JADE3: variants seen among roughly 807,000 people sequenced by gnomAD.
JADE3 encodes the protein protein Jade-3.
In JADE3, 2 loss-of-function variants were observed where a neutral mutation model predicts 50.1. The ratio of observed to expected loss-of-function variants is 0.04; its 90% CI spans 0.02 to 0.13. The LOEUF is 0.13. Among genes scored for constraint, JADE3 ranks in the 10% least tolerant of loss-of-function variants. The probability of loss-of-function intolerance (pLI) is 1.00; values close to 1 mark genes in which losing one functional copy is unlikely to be tolerated. For missense variants in JADE3, 475 were observed against 634.4 expected, an observed-to-expected ratio of 0.75 and a Z score of 2.70; for synonymous variants, 218 against 232.9, an observed-to-expected ratio of 0.94 and a Z score of 0.58.
intron 1 of JADE3, among the ~76,000 whole-genome samples, chrX:46,965,919 A>T (rs1488538143): frequency 3.6e-5 from 4 of 112,172 alleles, no homozygotes; most frequent in African/African-American, 1.3e-4. Flanking sequence ...TTTGTGTTTT[A>T]GATAGGTCTC....
At position 47,058,560 on chromosome X, in the gene JADE3, T is replaced by A. The variant is rs782381739; in HGVS notation, c.1955T>A (p.Ile652Asn). ...LQAALHGQSS[I>N]GNGKSQPNSK... ...GCTGCCCTCCATGGACAGTCTTCCA[T>A]TGGGAATGGGAAAAGTCAGCCTAAC... Residue 652 changes from isoleucine (I) to asparagine (N), a missense_variant, in exon 11 of 11, where the codon ATT becomes AAT. Physicochemically the swap from Ile to Asn is moderately radical, Grantham distance 149. Coordinates refer to ENST00000614628, the MANE Select transcript of JADE3 (RefSeq NM_014735.5). 8.3e-7 allele frequency: 1 copy of A among 1,210,812 alleles called. No homozygotes were observed. The highest frequency in any genetic ancestry group is 2.2e-5 in the Admixed American group (1 of 45,884).
rs375446876 is a variant in JADE3, at chrX:46,960,096, A to T, written c.-11-24788A>T. Among the ~76,000 whole-genome samples the T allele has an allele frequency of 6.1e-3, 672 of 110,989 alleles. 5 individuals are homozygous for T. Among genetic ancestry groups the T allele is most frequent in the South Asian group, 0.024 (62 of 2,592 alleles). The stretch of plus-strand genomic sequence containing the variant: ...GCAGTCCTCATTGCCCCTTCTTTCA[A>T]GCCACTGGAAAAGGATGGGTGTTCC... On this transcript the variant is annotated intron_variant, in intron 1 of 10. Coordinates refer to ENST00000614628, the MANE Select transcript of JADE3 (RefSeq NM_014735.5).
At chrX:46,923,014 T>A (rs1007058428) in intron 1 of JADE3, among the ~76,000 whole-genome samples, 1 of 111,001 alleles carries the variant, frequency 9.0e-6, no homozygotes, top group Non-Finnish European at 1.9e-5. Flanking sequence ...TTTTTTTGTT[T>A]TTGTGTTTTT....
Position 47,058,628 on chromosome X carries a change from G to A in JADE3, c.2023G>A (p.Gly675Arg), listed in dbSNP as rs1448757451. The change falls in exon 11 of 11, where the codon GGG (glycine) becomes AGG (arginine). Residue 675 changes from glycine (G) to arginine (R), a missense_variant. Physicochemically the swap from Gly to Arg is moderately radical, Grantham distance 125 (BLOSUM62 -2). Transcript: ENST00000614628. ...CAATGGCCTGGAGGGCAGCTGGTCTGGGAATGTCACCCAAAAAGACAGCTC... is the reference window on the plus strand; with the variant it reads ...CAATGGCCTGGAGGGCAGCTGGTCTAGGAATGTCACCCAAAAAGACAGCTC... ...KSNGLEGSWS[G>R]NVTQKDSSSE... The A allele has an allele frequency of 8.3e-7, 1 of 1,209,666 alleles. No homozygotes were observed. The highest frequency in any genetic ancestry group is 1.1e-6 in the Non-Finnish European group (1 of 895,106).
chrX:47,047,642 G>C (rs1556370991), intron 8 of JADE3, among the ~76,000 whole-genome samples: 5 of 111,845 alleles, frequency 4.5e-5, no homozygotes, highest in African/African-American at 1.6e-4. Flanking sequence ...TCAAGGATGT[G>C]GGAAAATTGG....
At chrX:47,036,947 T>C (rs1423731694) in intron 7 of JADE3, among the ~76,000 whole-genome samples, 10 of 71,033 alleles carry the variant, frequency 1.4e-4, no homozygotes, top group Admixed American at 1.8e-4. Context: ...TATCACACTC[T>C]GGGGACTGTG....
intron 1 of JADE3, among the ~76,000 whole-genome samples, chrX:46,975,312 G>T (rs376867480): frequency 8.9e-6 from 1 of 112,135 alleles, no homozygotes; most frequent in East Asian, 2.8e-4. Context: ...TCTTAGAAAA[G>T]TATTTTTTCC....
intron 1 of JADE3, among the ~76,000 whole-genome samples, chrX:46,947,788 T>C (rs185395276): frequency 8.9e-6 from 1 of 111,903 alleles, no homozygotes; most frequent in Non-Finnish European, 1.9e-5. Flanking sequence ...GTTTGGTCCA[T>C]GTCCTGATAA....
intron 7 of JADE3, among the ~76,000 whole-genome samples, chrX:47,037,088 A>G (rs1322059579): frequency 2.1e-5 from 2 of 96,672 alleles, no homozygotes; most frequent in African/African-American, 8.6e-5. Flanking sequence ...GTGCACATGT[A>G]CCCTAAAACT....
chrX:46,998,033 T>TG, intron 3 of JADE3, 87 bp from the exon 4 acceptor site: 1 of 741,490 alleles, frequency 1.3e-6, no homozygotes, highest in South Asian at 3.1e-5. Flanking sequence ...GCAGAGTGGA[T>TG]GGGGATGGTC....
chrX:46,944,111 G>A (rs1926828073), intron 1 of JADE3, among the ~76,000 whole-genome samples: 1 of 110,714 alleles, frequency 9.0e-6, no homozygotes, highest in East Asian at 2.8e-4. Context: ...TGTTAGTCTA[G>A]TAAGCAGTCT....
intron 1 of JADE3, among the ~76,000 whole-genome samples, chrX:46,930,852 A>G (rs914216620): frequency 9.0e-6 from 1 of 110,827 alleles, no homozygotes; most frequent in East Asian, 2.8e-4. Flanking sequence ...GGGTCAACCC[A>G]TTGACCACCT....
Position 46,985,762 on chromosome X carries a change from A to C in JADE3, c.96A>C (p.Lys32Asn), listed in dbSNP as rs782296045. The C allele has an allele frequency of 9.2e-6, 11 of 1,199,429 alleles. No homozygotes were observed. Among genetic ancestry groups the C allele is most frequent in the African/African-American group, 1.8e-5 (1 of 56,977 alleles). Residue 32 changes from lysine (K) to asparagine (N), a missense_variant, in exon 3 of 11, where the codon AAA becomes AAC. Coordinates refer to ENST00000614628, the MANE Select transcript of JADE3 (RefSeq NM_014735.5). ...GCTCAATGTATAGGATCAAGTCAAAAATTCCAAATGAACACAAGAAACCTG... is the reference window on the plus strand; with the variant it reads ...GCTCAATGTATAGGATCAAGTCAAACATTCCAAATGAACACAAGAAACCTG... ...TSGSMYRIKSKIPNEHKKPAE... is the reference protein window; with the variant it reads ...TSGSMYRIKSNIPNEHKKPAE...
At chrX:47,008,821 A>G (rs1928495320) in intron 4 of JADE3, among the ~76,000 whole-genome samples, 1 of 111,423 alleles carries the variant, frequency 9.0e-6, no homozygotes, top group African/African-American at 3.3e-5. Flanking sequence ...TGGACACATT[A>G]TCTTGGTTGT....
chrX:46,960,509 A>C (rs145588760), intron 1 of JADE3, among the ~76,000 whole-genome samples: 2 of 112,109 alleles, frequency 1.8e-5, no homozygotes, highest in Non-Finnish European at 3.8e-5. Context: ...CCTGGGGCAG[A>C]GTCTCTAGTG....
chrX:47,018,622 C>T (rs1556363619), intron 4 of JADE3, among the ~76,000 whole-genome samples: 1 of 112,200 alleles, frequency 8.9e-6, no homozygotes, highest in Non-Finnish European at 1.9e-5. Flanking sequence ...GTGTGAGCCG[C>T]CGCGCCCGGC....
intron 8 of JADE3, 115 bp from the exon 9 acceptor site, chrX:47,054,043 A>G (rs1929577016): frequency 2.0e-6 from 1 of 490,525 alleles, no homozygotes; most frequent in African/African-American, 2.4e-5. Flanking sequence ...GTTTAGGACT[A>G]ACTTTCTCCC....
intron 1 of JADE3, among the ~76,000 whole-genome samples, chrX:46,938,017 A>G (rs1261874901): frequency 9.0e-6 from 1 of 111,566 alleles, no homozygotes; most frequent in Admixed American, 9.6e-5. Context: ...TCTTTTAATC[A>G]GTGTTTGCAT....
chrX:46,948,680 TGAA>T (rs1363354082), intron 1 of JADE3, among the ~76,000 whole-genome samples: 1 of 111,539 alleles, frequency 9.0e-6, no homozygotes, highest in Non-Finnish European at 1.9e-5. Context: ...ATAATATACC[TGAA>T]GAAAAAGTGA....
Sources: gnomAD v4.1 joint callset for allele counts (sites outside exome capture counted in the v4.1 genomes callset) on GRCh38, gnomAD v4.1.1 for gene constraint, MANE v1.5 for transcripts, NCBI Gene and HGNC (gene_info 2026-07-23, HGNC 2026-07-21) for gene names.